Variants in APBB2 observed in about 807,000 individuals in gnomAD.
APBB2 encodes the protein amyloid beta precursor protein binding family B member 2.
APBB2 carries 38 observed loss-of-function variants against 82.5 expected under a neutral mutation model. That is an observed-to-expected ratio of 0.46 (90% CI 0.36 to 0.60). APBB2 has a LOEUF of 0.60. Ranked by LOEUF, APBB2 falls within the 20% of genes least tolerant of loss-of-function variation. The pLI is 0.00. For missense variants in APBB2, 772 were observed against 972.3 expected (o/e 0.79, Z 2.74); for synonymous variants, 341 against 368.2 (o/e 0.93, Z 0.85).
chr4:41,208,390 T>C (rs1209188701), intron 1 of APBB2, among the ~76,000 whole-genome samples: 1 of 152,060 alleles, frequency 6.6e-6, no homozygotes, highest in Non-Finnish European at 1.5e-5. Flanking sequence ...GCCTCCTGAG[T>C]AGCTGAAATT....
At chr4:41,130,236 TCA>T (rs1343620346) in intron 2 of APBB2, among the ~76,000 whole-genome samples, 2 of 152,174 alleles carry the variant, frequency 1.3e-5, no homozygotes, top group African/African-American at 4.8e-5. Context: ...TTCTAGAATT[TCA>T]CAGTTATCTA....
At chr4:40,966,375 G>A (rs746790794) in intron 6 of APBB2, among the ~76,000 whole-genome samples, 1 of 152,244 alleles carries the variant, frequency 6.6e-6, no homozygotes, top group Non-Finnish European at 1.5e-5. Flanking sequence ...CTGCAGTGGA[G>A]GAGGCATGGC....
intron 6 of APBB2, among the ~76,000 whole-genome samples, chr4:40,994,785 GC>G (rs1803161087): frequency 6.8e-6 from 1 of 146,154 alleles, no homozygotes; most frequent in Non-Finnish European, 1.5e-5. Flanking sequence ...CTACACTCCA[GC>G]CTGGGGCGAC....
At chr4:40,920,975 G>A (rs896673909) in intron 10 of APBB2, among the ~76,000 whole-genome samples, 1 of 152,132 alleles carries the variant, frequency 6.6e-6, no homozygotes, top group African/African-American at 2.4e-5. Context: ...GACTGCCTGG[G>A]TTCAAATCTC....
chr4:41,078,289 T>G (rs896361230), intron 3 of APBB2, among the ~76,000 whole-genome samples: 1 of 152,132 alleles, frequency 6.6e-6, no homozygotes, highest in Non-Finnish European at 1.5e-5. Flanking sequence ...CTAAATGAAC[T>G]AAGGAGTAGT....
chr4:40,842,431 C>T (rs1025206155), intron 12 of APBB2: 5 of 446,898 alleles, frequency 1.1e-5, no homozygotes, highest in South Asian at 1.6e-5. Flanking sequence ...AGCATTCACA[C>T]GGCATCCCGC....
At chr4:40,817,789 C>A (rs926794446) in intron 17 of APBB2, among the ~76,000 whole-genome samples, 1 of 152,124 alleles carries the variant, frequency 6.6e-6, no homozygotes, top group Non-Finnish European at 1.5e-5. Flanking sequence ...TTCTATCATA[C>A]CCCTTAGGCC....
chr4:41,144,214 C>T (rs1449981826), intron 1 of APBB2, among the ~76,000 whole-genome samples: 1 of 152,206 alleles, frequency 6.6e-6, no homozygotes, highest in East Asian at 1.9e-4. Context: ...TAAATCAAAA[C>T]AGTCCTCGTC....
At chr4:40,865,271 G>C (rs930874075) in intron 12 of APBB2, among the ~76,000 whole-genome samples, 8 of 152,146 alleles carry the variant, frequency 5.3e-5, no homozygotes, top group Non-Finnish European at 1.0e-4. Context: ...ACACAGTCAC[G>C]GAGGGCCAAG....
At chr4:41,146,574 GC>G (rs1048652792) in intron 1 of APBB2, among the ~76,000 whole-genome samples, 24 of 152,268 alleles carry the variant, frequency 1.6e-4, no homozygotes, top group African/African-American at 5.5e-4. Context: ...TGTCCACACA[GC>G]CTTGGAGTAA....
At chr4:41,055,930 C>T (rs1032852434) in intron 4 of APBB2, among the ~76,000 whole-genome samples, 1 of 152,226 alleles carries the variant, frequency 6.6e-6, no homozygotes, top group Non-Finnish European at 1.5e-5. Context: ...CAGTGGCTCA[C>T]CCCTGCAATC....
At chr4:40,842,391 C>T (rs1482906210) in intron 12 of APBB2, 8 of 455,342 alleles carry the variant, frequency 1.8e-5, no homozygotes, top group Admixed American at 1.2e-4. Flanking sequence ...TCCGGGAAGG[C>T]GTGAGGGAAC....
chr4:41,130,626 C>G (rs911845788), intron 2 of APBB2, among the ~76,000 whole-genome samples: 1 of 152,092 alleles, frequency 6.6e-6, no homozygotes, highest in Non-Finnish European at 1.5e-5. Context: ...TCCTTTCTAA[C>G]TACATCTCAT....
chr4:41,111,555 C>A (rs1166421012), intron 2 of APBB2, among the ~76,000 whole-genome samples: 1 of 152,120 alleles, frequency 6.6e-6, no homozygotes, highest in Non-Finnish European at 1.5e-5. Flanking sequence ...AATGTTAATG[C>A]TAGTTGTCTC....
chr4:41,195,360 T>G, intron 1 of APBB2, among the ~76,000 whole-genome samples: 1 of 152,268 alleles, frequency 6.6e-6, no homozygotes, highest in South Asian at 2.1e-4. Context: ...TGTCCTTGAC[T>G]CCTCTCTTTC....
At chr4:40,939,374 C>T (rs1373720792) in intron 7 of APBB2, among the ~76,000 whole-genome samples, 3 of 152,134 alleles carry the variant, frequency 2.0e-5, no homozygotes, top group Non-Finnish European at 4.4e-5. Flanking sequence ...CAGGGACTGG[C>T]TGCCCGAGGG....
intron 3 of APBB2, among the ~76,000 whole-genome samples, chr4:41,074,828 A>T (rs1012879435): frequency 2.8e-4 from 43 of 151,926 alleles, no homozygotes; most frequent in African/African-American, 9.7e-4. Context: ...TGTTTTTTTT[A>T]AAAGGATTTT....
intron 1 of APBB2, among the ~76,000 whole-genome samples, chr4:41,163,692 A>G (rs1487991239): frequency 2.6e-5 from 4 of 152,230 alleles, no homozygotes; most frequent in Admixed American, 2.6e-4. Flanking sequence ...GGAACACTGG[A>G]CCAATCCACT....
rs182734751 is a variant in APBB2 at position 40,963,819 on chromosome 4, T to C, written c.836-18746A>G. ...ACAGCTGTTTGTGCTTTCTTCCTCA[T>C]AGAAGAAAACACTGCGTGTCTTCCT... is the stretch of plus-strand genomic sequence containing the variant. On this transcript the variant is annotated intron_variant, in intron 6 of 17. Transcript: ENST00000508593. Among the ~76,000 whole-genome samples the C allele has an allele frequency of 4.9e-4, 74 of 152,306 alleles. 1 individual carries two copies. The highest frequency in any genetic ancestry group is 1.7e-3 in the African/African-American group (70 of 41,576).
Sources: gnomAD v4.1 joint callset for allele counts (sites outside exome capture counted in the v4.1 genomes callset) on GRCh38, gnomAD v4.1.1 for gene constraint, MANE v1.5 for transcripts, NCBI Gene and HGNC (gene_info 2026-07-23, HGNC 2026-07-21) for gene names.